Variants in ZFX observed in about 807,000 individuals in gnomAD.
The protein encoded by ZFX is zinc finger protein X-linked, also known as zinc finger X-chromosomal protein.
For synonymous variants in ZFX, 196 were observed against 226.8 expected (o/e 0.86, Z 1.22); for missense variants, 362 against 628.3 (o/e 0.58, Z 4.53).
At position 24,206,500 on chromosome X, in the gene ZFX, C is replaced by CGTGT. The variant is rs774457469; in HGVS notation, c.647-779_647-776dup. Reference sequence around the variant, plus strand: ...TACAGGCGCATGCCACCATGCCTGGCGTGTGTGTGTGTGTGTGTGTGTGTG... The same window carrying CGTGT: ...TACAGGCGCATGCCACCATGCCTGGCGTGTGTGTGTGTGTGTGTGTGTGTGTGTG... On this transcript the variant is annotated intron_variant, in intron 5 of 9. Transcript: ENST00000304543. Among the ~76,000 whole-genome samples the CGTGT allele has an allele frequency of 5.0e-3, 295 of 59,596 alleles. 4 individuals are homozygous for CGTGT. The highest frequency in any genetic ancestry group is 6.6e-3 in the African/African-American group (93 of 14,109). 51.8% of individuals were successfully genotyped at this position (59,596 alleles called of 115,157 possible).
rs187258606 is a variant in ZFX at position 24,181,424 on chromosome X, A to G, written c.646+1654A>G. Among the ~76,000 whole-genome samples the G allele has an allele frequency of 1.1e-4, 12 of 111,962 alleles. No homozygotes were observed. The East Asian group carries it at 3.4e-3, about 31-fold the overall frequency. On this transcript the variant is annotated intron_variant, in intron 5 of 9. Transcript: ENST00000304543. ...CTAAACTGCCATGGAGATGGGATGG[A>G]GTAGCTGACCTTTGAAATCAAGGAT...
At chrX:24,153,410 T>C (rs1932440730) in intron 3 of ZFX, among the ~76,000 whole-genome samples, 1 of 111,681 alleles carries the variant, frequency 9.0e-6, no homozygotes, top group African/African-American at 3.3e-5. Flanking sequence ...CCACTGCTGC[T>C]CTGAGCCTGC....
At chrX:24,162,599 T>C (rs186971582) in intron 3 of ZFX, among the ~76,000 whole-genome samples, 1 of 112,112 alleles carries the variant, frequency 8.9e-6, no homozygotes, top group East Asian at 2.8e-4. Flanking sequence ...TGTCTTTTTG[T>C]TATAAAGTGA....
intron 5 of ZFX, among the ~76,000 whole-genome samples, chrX:24,197,319 A>G (rs755835081): frequency 3.2e-4 from 36 of 111,931 alleles, no homozygotes; most frequent in African/African-American, 1.1e-3. Flanking sequence ...AAAAACATTT[A>G]TTTATCATAT....
chrX:24,179,430 A>G lies in ZFX; in HGVS notation c.306A>G (p.Val102=). 1.6e-6 allele frequency: 2 copies of G among 1,212,415 alleles called. No homozygotes were observed. Among genetic ancestry groups the G allele is most frequent in the Non-Finnish European group, 2.2e-6 (2 of 895,680 alleles). ...IIPEQVLDSD[V]TEEVSLAHCT... is the part of the protein sequence containing the mutation. ...CTGAGCAAGTGCTGGACTCAGATGT[A>G]ACTGAAGAAGTTTCTTTAGCACATT... is the stretch of plus-strand genomic sequence containing the variant. Residue 102 remains valine (V), a synonymous_variant, in exon 5 of 10, where the codon GTA becomes GTG. Coordinates refer to ENST00000304543, the MANE Select transcript of ZFX (RefSeq NM_003410.4).
At chrX:24,160,110 G>T (rs1933112308) in intron 3 of ZFX, among the ~76,000 whole-genome samples, 1 of 108,840 alleles carries the variant, frequency 9.2e-6, no homozygotes. Flanking sequence ...TATTTTTATT[G>T]ATCCTTTCTA....
intron 1 of ZFX, chrX:24,150,180 G>GA (rs1931841911): frequency 1.0e-5 from 1 of 96,369 alleles, no homozygotes; most frequent in Non-Finnish European, 2.1e-5. Flanking sequence ...AAATATCGGT[G>GA]AGGGGGGGGG....
At chrX:24,190,834 G>T (rs1936480117) in intron 5 of ZFX, among the ~76,000 whole-genome samples, 1 of 112,443 alleles carries the variant, frequency 8.9e-6, no homozygotes, top group African/African-American at 3.2e-5. Flanking sequence ...TTAGCTGAAT[G>T]AATTCGGGCA....
intron 5 of ZFX, among the ~76,000 whole-genome samples, chrX:24,203,615 G>A (rs1366070933): frequency 8.9e-6 from 1 of 112,515 alleles, no homozygotes; most frequent in Non-Finnish European, 1.9e-5. Context: ...GAGCCCTTCT[G>A]CCTGTGCATG....
chrX:24,150,853 C>T (rs1171411037), intron 1 of ZFX: 2 of 112,432 alleles, frequency 1.8e-5, no homozygotes, highest in Non-Finnish European at 3.8e-5. Flanking sequence ...TTCTTTTGTC[C>T]TATAGGGAAA....
At position 24,199,238 on chromosome X, in the gene ZFX, G is replaced by T. The variant is rs140298152; in HGVS notation, c.647-8088G>T. On this transcript the variant is annotated intron_variant, in intron 5 of 9. Coordinates refer to ENST00000304543, the MANE Select transcript of ZFX (RefSeq NM_003410.4). Reference sequence around the variant, plus strand: ...CAGTTTTGGTGAAGTTATGGGCAAAGAATGACCTGATTGAAGTGAATCTTT... The same window carrying T: ...CAGTTTTGGTGAAGTTATGGGCAAATAATGACCTGATTGAAGTGAATCTTT... 5.5e-5 allele frequency among the ~76,000 whole-genome samples: 6 copies of T among 110,053 alleles called. No individual in the cohort carries two copies. In the South Asian group the frequency reaches 1.6e-3, roughly 29 times the overall value.
chrX:24,208,957 T>C lies in ZFX; in HGVS notation c.1151T>C (p.Ile384Thr). ...RNGTASALLH[I>T]DESAGLGRLA... Reference sequence around the variant, plus strand: ...GGCACTGCAAGTGCCCTCTTGCACATAGATGAGTCTGCTGGCCTCGGCAGA... The same window carrying C: ...GGCACTGCAAGTGCCCTCTTGCACACAGATGAGTCTGCTGGCCTCGGCAGA... Residue 384 changes from isoleucine (I) to threonine (T), a missense_variant, in exon 9 of 10, where the codon ATA becomes ACA. Transcript: ENST00000304543. 8.3e-7 allele frequency: 1 copy of C among 1,211,883 alleles called. No individual in the cohort carries two copies. Among genetic ancestry groups the C allele is most frequent in the Non-Finnish European group, 1.1e-6 (1 of 895,584 alleles).
Position 24,211,217 on chromosome X carries a change from G to T in ZFX, c.2259G>T (p.Glu753Asp). The T allele has an allele frequency of 8.2e-7, 1 of 1,212,207 alleles. No individual in the cohort carries two copies. Among genetic ancestry groups the T allele is most frequent in the South Asian group, 1.8e-5 (1 of 57,021 alleles). ...GRKVYQCEYC[E>D]YSTTDASGFK... ...AAGTGTATCAGTGTGAGTACTGTGAGTATAGCACTACAGATGCCTCAGGCT... is the reference window on the plus strand; with the variant it reads ...AAGTGTATCAGTGTGAGTACTGTGATTATAGCACTACAGATGCCTCAGGCT... The change falls in exon 10 of 10, where the codon GAG (glutamate) becomes GAT (aspartate). Residue 753 changes from glutamate (E) to aspartate (D), a missense_variant. By Grantham distance (45) the Glu-to-Asp change is conservative. Transcript: ENST00000304543.
chrX:24,207,150 T>G, intron 5 of ZFX, 176 bp from the exon 6 acceptor site: 1 of 431,774 alleles, frequency 2.3e-6, no homozygotes, highest in Admixed American at 4.3e-5. Context: ...GGAGAATGGC[T>G]TGAACCTGGG....
intron 5 of ZFX, among the ~76,000 whole-genome samples, chrX:24,199,283 G>T (rs1490704003): frequency 9.2e-6 from 1 of 108,791 alleles, no homozygotes; most frequent in Non-Finnish European, 1.9e-5. Context: ...TGGAGGCAGG[G>T]TCTCACTGTC....
intron 5 of ZFX, among the ~76,000 whole-genome samples, chrX:24,201,197 A>G (rs777093661): frequency 9.0e-6 from 1 of 110,836 alleles, no homozygotes; most frequent in South Asian, 3.6e-4. Context: ...TTTCATATTC[A>G]GAATAATTTT....
At chrX:24,172,453 G>C (rs750459258) in intron 3 of ZFX, among the ~76,000 whole-genome samples, 13 of 112,005 alleles carry the variant, frequency 1.2e-4, no homozygotes, top group African/African-American at 4.2e-4. Context: ...GCACTTGATA[G>C]ACCTAAGCAA....
chrX:24,186,009 G>A (rs750753992), intron 5 of ZFX, among the ~76,000 whole-genome samples: 1 of 110,770 alleles, frequency 9.0e-6, no homozygotes, highest in Non-Finnish European at 1.9e-5. Flanking sequence ...ATTAACAAAG[G>A]TTTTGTCGTA....
At position 24,167,219 on chromosome X, in the gene ZFX, A is replaced by G. The variant is rs185983914; in HGVS notation, c.-28-5496A>G. ...GAACCTCCAGCACCTGGAAGATGGG[A>G]TACTCTTCCACCATTAAAGGAGAAC... On this transcript the variant is annotated intron_variant, in intron 3 of 9. Transcript: ENST00000304543. 3.5e-4 allele frequency among the ~76,000 whole-genome samples: 39 copies of G among 111,738 alleles called. No homozygotes were observed. The East Asian group carries it at 0.01, about 29-fold the overall frequency.
Sources: allele counts gnomAD v4.1 joint callset (sites outside exome capture counted in the v4.1 genomes callset), GRCh38; gene constraint gnomAD v4.1.1; transcripts MANE v1.5; gene names NCBI Gene and HGNC (gene_info 2026-07-23, HGNC 2026-07-21).